The following GBP2 variants were observed in gnomAD, a reference collection of about 807,000 sequenced individuals.
GBP2 encodes the protein guanylate binding protein 2, also known as guanylate-binding protein 2.
Under a neutral mutation model 60.8 loss-of-function variants are expected in GBP2, and 54 were observed. That is an observed-to-expected ratio of 0.89 (90% confidence interval 0.71 to 1.11). The LOEUF is 1.11. GBP2 is among the 50% of genes most tolerant of loss of function. The probability of loss-of-function intolerance (pLI) is 0.00; values close to 1 mark genes in which losing one functional copy is unlikely to be tolerated. For missense variants in GBP2, 665 were observed against 703.3 expected (o/e 0.95, Z 0.62); for synonymous variants, 243 against 256.5 (o/e 0.95, Z 0.50).
intron 2 of GBP2, 148 bp downstream of exon 2, chr1:89,121,629 C>T (rs1681398218): frequency 3.7e-6 from 3 of 803,138 alleles, no homozygotes; most frequent in African/African-American, 3.5e-5. Flanking sequence ...GACTGTAATC[C>T]TCCAAAGTCA....
At chr1:89,118,182 A>G (rs540965545) in intron 4 of GBP2, 116 of 155,510 alleles carry the variant, frequency 7.5e-4, no homozygotes, top group African/African-American at 2.7e-3. Context: ...CAAATCTACC[A>G]ATAAGGAAAG....
At chr1:89,122,202 C>A (rs995394919) in intron 1 of GBP2, among the ~76,000 whole-genome samples, 1 of 152,126 alleles carries the variant, frequency 6.6e-6, no homozygotes, top group Non-Finnish European at 1.5e-5. Context: ...AAAAGATGTA[C>A]AATGGGTATG....
chr1:89,117,072 T>C lies in GBP2; in HGVS notation c.788A>G (p.Gln263Arg). 6.2e-7 allele frequency: 1 copy of C among 1,614,144 alleles called. No homozygotes were observed. Among genetic ancestry groups the C allele is most frequent in the Non-Finnish European group, 8.5e-7 (1 of 1,180,024 alleles). ...GATGTAGGAACAAAATTCTGCAACT[T>C]GTTCTATGAAATCAGGGTTCAGCTC... ...EEELNPDFIE[Q>R]VAEFCSYILS... The change falls in exon 6 of 11, where the codon CAA (glutamine) becomes CGA (arginine). Residue 263 changes from glutamine to arginine, a missense_variant. Transcript: ENST00000370466.
chr1:89,125,303 G>T (rs1037347702), intron 1 of GBP2, among the ~76,000 whole-genome samples: 1 of 152,078 alleles, frequency 6.6e-6, no homozygotes, highest in Non-Finnish European at 1.5e-5. Flanking sequence ...ATCCCTTCAG[G>T]GGACAATGGC....
chr1:89,125,234 T>C (rs182818536), intron 1 of GBP2, among the ~76,000 whole-genome samples: 29 of 152,336 alleles, frequency 1.9e-4, no homozygotes, highest in Middle Eastern at 3.4e-3. Context: ...GTTTATAATA[T>C]GGAGTCGATT....
rs570138338 is a variant in GBP2 at position 89,121,863 on chromosome 1, G to A, written c.104C>T (p.Thr35Met). 1.9e-6 allele frequency: 3 copies of A among 1,614,080 alleles called. No homozygotes were observed. The highest frequency in any genetic ancestry group is 2.5e-6 in the Non-Finnish European group (3 of 1,179,982). ...PEALKILSAI[T>M]QPVVVVAIVG... ...AATCGCCACCACCACCACAGGCTGC[G>A]TAATTGCAGATAGGATCTTCAGAGC... Residue 35 changes from threonine (T) to methionine (M), a missense_variant, in exon 2 of 11, where the codon ACG becomes ATG. Thr to Met is a moderately conservative substitution (Grantham distance 81). Coordinates refer to ENST00000370466, the MANE Select transcript of GBP2 (RefSeq NM_004120.5).
chr1:89,113,577 C>T (rs542351332), intron 7 of GBP2, among the ~76,000 whole-genome samples: 12 of 152,180 alleles, frequency 7.9e-5, no homozygotes, highest in Non-Finnish European at 1.3e-4. Context: ...AAAACATTCT[C>T]TAATAAAATT....
rs760500995 is a variant in GBP2 at position 89,121,147 on chromosome 1, T to C, written c.314A>G (p.Glu105Gly). 1.4e-5 allele frequency: 23 copies of C among 1,611,620 alleles called. No homozygotes were observed. Among genetic ancestry groups the C allele is most frequent in the Non-Finnish European group, 2.0e-5 (23 of 1,178,770 alleles). ...TAAAATACTTATTTTTTTTACCTTC[T>C]CTATATCTCCCAGGCCCTCAGTGTC... is the stretch of plus-strand genomic sequence containing the variant. ...LLDTEGLGDI[E>G]KGDNENDSWI... Residue 105 changes from glutamate (E) to glycine (G), a missense_variant, in exon 3 of 11, where the codon GAG (glutamate) becomes GGG (glycine). Glu to Gly is a moderately conservative substitution (Grantham distance 98). Coordinates refer to ENST00000370466, the MANE Select transcript of GBP2 (RefSeq NM_004120.5).
chr1:89,124,310 G>T (rs1681470592), intron 1 of GBP2, among the ~76,000 whole-genome samples: 2 of 152,164 alleles, frequency 1.3e-5, no homozygotes, highest in South Asian at 4.1e-4. Context: ...GTTGGATATT[G>T]CCAAGTTCCT....
intron 10 of GBP2, among the ~76,000 whole-genome samples, chr1:89,108,556 A>C (rs1681099140): frequency 6.6e-6 from 1 of 152,040 alleles, no homozygotes; most frequent in African/African-American, 2.4e-5. Flanking sequence ...TTCTGGAAAA[A>C]CCATAACTTT....
At chr1:89,120,043 G>C in intron 4 of GBP2, 136 bp downstream of exon 4, 1 of 637,532 alleles carries the variant, frequency 1.6e-6, no homozygotes, top group Non-Finnish European at 2.8e-6. Context: ...AGAATGAGAT[G>C]TTCAGCATAA....
At position 89,114,207 on chromosome 1, in the gene GBP2, T is replaced by C. The variant is rs1030484686; in HGVS notation, c.958A>G (p.Ile320Val). ...MENAVLALAQ[I>V]ENSAAVEKAI... ...TTTTCCACTGCGGCTGAGTTCTCTA[T>C]CTGGGCCAAGGCCAGGACTGCGTTC... The change falls in exon 7 of 11, where the codon ATA becomes GTA. Residue 320 changes from isoleucine to valine, a missense_variant. Ile to Val is a conservative substitution (Grantham distance 29). Coordinates refer to ENST00000370466, the MANE Select transcript of GBP2 (RefSeq NM_004120.5). 1.9e-6 allele frequency: 3 copies of C among 1,614,226 alleles called. No homozygotes were observed. Among genetic ancestry groups the C allele is most frequent in the Non-Finnish European group, 1.7e-6 (2 of 1,180,044 alleles).
In GBP2 at chr1:89,108,037, C is replaced by G; in HGVS notation, c.*138G>C. ...TCATACTTAACCTTTACTTTGCAAA[C>G]TTTATGGTTCAACAAAAATGCATGC... On this transcript the variant is annotated 3_prime_UTR_variant, in exon 11 of 11. Transcript: ENST00000370466. The G allele has an allele frequency of 3.2e-6, 2 of 632,528 alleles. No individual in the cohort carries two copies. Among genetic ancestry groups the G allele is most frequent in the South Asian group, 1.9e-5 (1 of 53,848 alleles). The allele number at this position is 632,528 out of a possible 1,614,324, so 39.2% of individuals were successfully genotyped here.
intron 4 of GBP2, 69 bp from the exon 5 acceptor site, chr1:89,117,842 C>T: frequency 2.4e-6 from 3 of 1,255,058 alleles, no homozygotes; most frequent in South Asian, 3.1e-5. Context: ...CTAATGCTTA[C>T]CTAAAATAAT....
chr1:89,123,615 G>C (rs986701949), intron 1 of GBP2, among the ~76,000 whole-genome samples: 4 of 152,104 alleles, frequency 2.6e-5, no homozygotes, highest in African/African-American at 9.7e-5. Context: ...TCTTGTCTTT[G>C]GTCTTACACA....
At chr1:89,123,520 G>C (rs1681454816) in intron 1 of GBP2, among the ~76,000 whole-genome samples, 1 of 152,058 alleles carries the variant, frequency 6.6e-6, no homozygotes, top group African/African-American at 2.4e-5. Context: ...CTCAATTCTA[G>C]TACATATAAT....
chr1:89,109,671 G>GA lies in GBP2; in HGVS notation c.1659+5dup. 6.2e-7 allele frequency: 1 copy of GA among 1,611,654 alleles called. No individual in the cohort carries two copies. Among genetic ancestry groups the GA allele is most frequent in the Non-Finnish European group, 8.5e-7 (1 of 1,179,030 alleles). On this transcript the variant is annotated splice_donor_region_variant and intron_variant, in intron 10 of 10. Coordinates refer to ENST00000370466, the MANE Select transcript of GBP2 (RefSeq NM_004120.5). Reference sequence around the variant, plus strand: ...AAGAGAAAATTGAGATGATGCAATTGAATACCTGAAGTTTAAGAGCGAGGG... The same window carrying GA: ...AAGAGAAAATTGAGATGATGCAATTGAAATACCTGAAGTTTAAGAGCGAGGG...
At position 89,110,207 on chromosome 1, in the gene GBP2, T is replaced by A; in HGVS notation, c.1422A>T (p.Leu474=). The change falls in exon 9 of 11, where the codon CTA becomes CTT. Residue 474 remains leucine, a synonymous_variant. Transcript: ENST00000370466. ...TTTCTGAGAGTGACTGATCAGTCTG[T>A]AGAAGTGCATCAGCCACATCCTCCT... ...ESKEDVADAL[L]QTDQSLSEKE... 6.2e-7 allele frequency: 1 copy of A among 1,614,000 alleles called. No individual in the cohort carries two copies. Among genetic ancestry groups the A allele is most frequent in the Non-Finnish European group, 8.5e-7 (1 of 1,179,920 alleles).
At position 89,117,001 on chromosome 1, in the gene GBP2, T is replaced by C; in HGVS notation, c.859A>G (p.Asn287Asp). The change falls in exon 6 of 11, where the codon AAT becomes GAT. Residue 287 changes from asparagine to aspartate, a missense_variant. Physicochemically the swap from Asn to Asp is conservative, Grantham distance 23. Transcript: ENST00000370466. ...AGAGAGAGTGACTCACGAGGCCCATTGACTGGAATGCCACCTGAAAGAGTC... is the reference window on the plus strand; with the variant it reads ...AGAGAGAGTGACTCACGAGGCCCATCGACTGGAATGCCACCTGAAAGAGTC... ...VKTLSGGIPV[N>D]GPRLESLVLT... The C allele has an allele frequency of 6.2e-7, 1 of 1,613,948 alleles. No homozygotes were observed. The highest frequency in any genetic ancestry group is 8.5e-7 in the Non-Finnish European group (1 of 1,179,872).
Sources: allele counts gnomAD v4.1 joint callset (sites outside exome capture counted in the v4.1 genomes callset), GRCh38; gene constraint gnomAD v4.1.1; transcripts MANE v1.5; gene names NCBI Gene and HGNC (gene_info 2026-07-23, HGNC 2026-07-21).